Variants in GRID2 observed in about 807,000 individuals in gnomAD.
GRID2 encodes glutamate receptor ionotropic, delta-2.
In GRID2, 33 loss-of-function variants were observed where a neutral mutation model predicts 114.8. The ratio of observed to expected loss-of-function variants is 0.29; its 90% CI spans 0.22 to 0.38. GRID2 has a LOEUF of 0.38. Among genes scored for constraint, GRID2 ranks in the 10% least tolerant of loss-of-function variants. The pLI, the probability that GRID2 is intolerant of heterozygous loss-of-function variation, is 1.00. For missense variants in GRID2, 1,184 were observed against 1,257.7 expected (o/e 0.94, Z 0.89); for synonymous variants, 505 against 449.9 (o/e 1.12, Z -1.55).
chr4:92,836,034 A>T (rs1215671159), intron 2 of GRID2, among the ~76,000 whole-genome samples: 2 of 152,158 alleles, frequency 1.3e-5, no homozygotes, highest in Admixed American at 6.6e-5. Context: ...GAGGTCAGCA[A>T]ACTGTAGCCT....
intron 12 of GRID2, among the ~76,000 whole-genome samples, chr4:93,497,923 A>G (rs536255223): frequency 3.2e-4 from 49 of 152,002 alleles, no homozygotes; most frequent in African/African-American, 1.1e-3. Flanking sequence ...GAGAATTCAC[A>G]TTTTTAATAT....
chr4:93,218,654 T>C (rs979334051), intron 6 of GRID2, among the ~76,000 whole-genome samples: 2 of 152,160 alleles, frequency 1.3e-5, no homozygotes, highest in Admixed American at 1.3e-4. Flanking sequence ...GAGAAGGCAA[T>C]AGTCAAAGTA....
intron 2 of GRID2, among the ~76,000 whole-genome samples, chr4:92,932,702 T>G (rs1257316862): frequency 6.6e-6 from 1 of 151,304 alleles, no homozygotes; most frequent in East Asian, 1.9e-4. Flanking sequence ...TTATCTTATA[T>G]TCATACAATG....
At chr4:93,126,584 C>CTTTT (rs60017147) in intron 4 of GRID2, among the ~76,000 whole-genome samples, 1,299 of 52,814 alleles carry the variant, frequency 0.025, 113 homozygotes, top group Non-Finnish European at 0.027. Context: ...CTATTTAATT[C>CTTTT]TTTTTTTTTT....
At chr4:92,923,616 T>C (rs1203603993) in intron 2 of GRID2, among the ~76,000 whole-genome samples, 1 of 152,156 alleles carries the variant, frequency 6.6e-6, no homozygotes, top group African/African-American at 2.4e-5. Flanking sequence ...GACAAAAATA[T>C]ACCAGGAAAG....
rs556755496 is a variant in GRID2 at position 93,018,627 on chromosome 4, CTCAAAATTGAGTATATCAATT to C, written c.245-66347_245-66327del. Among the ~76,000 whole-genome samples, 242 of 152,132 alleles carry C rather than the reference CTCAAAATTGAGTATATCAATT, an allele frequency of 1.6e-3. 2 individuals are homozygous for C. The highest frequency in any genetic ancestry group is 5.3e-3 in the African/African-American group (220 of 41,514). ...ATTCACCAGGTCTTCACAAAGAATACTCAAAATTGAGTATATCAATTTCAAAATTGAGTATATCAATAATCA... is the reference window on the plus strand; with the variant it reads ...ATTCACCAGGTCTTCACAAAGAATACTCAAAATTGAGTATATCAATAATCA... On this transcript the variant is annotated intron_variant, in intron 2 of 15. Transcript: ENST00000282020.
chr4:93,554,177 A>G (rs745857837), intron 13 of GRID2, among the ~76,000 whole-genome samples: 1 of 152,198 alleles, frequency 6.6e-6, no homozygotes, highest in Non-Finnish European at 1.5e-5. Context: ...TATACAAAAA[A>G]TAAAAAGGAA....
chr4:92,578,760 C>CTATCTATG (rs1728031477), intron 1 of GRID2, among the ~76,000 whole-genome samples: 1 of 151,966 alleles, frequency 6.6e-6, no homozygotes, highest in Non-Finnish European at 1.5e-5. Flanking sequence ...ATCTATCTAT[C>CTATCTATG]TATCTACATA....
chr4:93,213,514 TTATC>T (rs1309598330), intron 5 of GRID2, among the ~76,000 whole-genome samples: 1 of 152,192 alleles, frequency 6.6e-6, no homozygotes, highest in Non-Finnish European at 1.5e-5. Context: ...AATTTTGTAT[TTATC>T]AACATTTATT....
intron 2 of GRID2, among the ~76,000 whole-genome samples, chr4:92,622,581 A>G (rs1730324785): frequency 6.6e-6 from 1 of 151,774 alleles, no homozygotes; most frequent in Non-Finnish European, 1.5e-5. Context: ...GTTCAAAGTG[A>G]ACATCAGTCC....
chr4:92,571,998 T>A (rs1262199569), intron 1 of GRID2, among the ~76,000 whole-genome samples: 1 of 151,756 alleles, frequency 6.6e-6, no homozygotes, highest in Admixed American at 6.6e-5. Flanking sequence ...ACAAACACAT[T>A]CAAAAGCTAG....
intron 14 of GRID2, among the ~76,000 whole-genome samples, chr4:93,683,982 T>A (rs1213328135): frequency 6.6e-6 from 1 of 151,978 alleles, no homozygotes; most frequent in Non-Finnish European, 1.5e-5. Context: ...AGGAGAGACA[T>A]AAGGTAAGGT....
chr4:93,621,136 T>G (rs1742184767), intron 13 of GRID2, among the ~76,000 whole-genome samples: 1 of 152,136 alleles, frequency 6.6e-6, no homozygotes, highest in African/African-American at 2.4e-5. Context: ...AAAATTGAAT[T>G]TAAACAACAA....
chr4:93,510,104 C>T (rs1729018125), intron 12 of GRID2, among the ~76,000 whole-genome samples: 2 of 152,140 alleles, frequency 1.3e-5, no homozygotes, highest in Admixed American at 6.6e-5. Flanking sequence ...AGCCCTTTTG[C>T]CTGAAGCATC....
At chr4:93,328,626 G>T (rs1341881448) in intron 8 of GRID2, among the ~76,000 whole-genome samples, 3 of 151,878 alleles carry the variant, frequency 2.0e-5, no homozygotes, top group Admixed American at 6.6e-5. Flanking sequence ...AATTTCATGA[G>T]AACAAAGTTT....
At chr4:92,428,048 G>A (rs1055624995) in intron 1 of GRID2, among the ~76,000 whole-genome samples, 18 of 151,990 alleles carry the variant, frequency 1.2e-4, no homozygotes, top group African/African-American at 3.6e-4. Flanking sequence ...GGATCATGAG[G>A]TCAGGAGATC....
chr4:93,070,581 A>G (rs1728723829), intron 2 of GRID2, among the ~76,000 whole-genome samples: 1 of 152,102 alleles, frequency 6.6e-6, no homozygotes, highest in Non-Finnish European at 1.5e-5. Context: ...TCAAGATAGA[A>G]TCACTGATTA....
At chr4:93,513,060 T>C (rs1031540195) in intron 12 of GRID2, among the ~76,000 whole-genome samples, 1 of 152,176 alleles carries the variant, frequency 6.6e-6, no homozygotes, top group Non-Finnish European at 1.5e-5. Flanking sequence ...CTGATCATTA[T>C]AGTTGAGTTT....
chr4:93,439,651 G>T (rs1721438828), intron 10 of GRID2, among the ~76,000 whole-genome samples: 1 of 152,066 alleles, frequency 6.6e-6, no homozygotes, highest in Non-Finnish European at 1.5e-5. Context: ...GATTATTTAA[G>T]GTCCTAAATT....
Sources: gnomAD v4.1 joint callset for allele counts (sites outside exome capture counted in the v4.1 genomes callset) on GRCh38, gnomAD v4.1.1 for gene constraint, MANE v1.5 for transcripts, NCBI Gene and HGNC (gene_info 2026-07-23, HGNC 2026-07-21) for gene names.